Variants in DIP2B observed in about 807,000 individuals in gnomAD.
DIP2B encodes DIP2 acetate--CoA ligase B (putative), also known as disco-interacting protein 2 homolog B.
Under a neutral mutation model 198.0 loss-of-function variants are expected in DIP2B, and 76 were observed. That is an observed-to-expected ratio of 0.38 (90% confidence interval 0.32 to 0.46). The LOEUF (loss-of-function observed/expected upper bound fraction) is 0.46, where lower values mean the gene tolerates loss of function less well. DIP2B is among the 20% of genes least tolerant of loss of function. DIP2B has a pLI of 0.99. For missense variants in DIP2B, 1,559 were observed against 1,978.4 expected (o/e 0.79, Z 4.02); for synonymous variants, 701 against 739.1 (o/e 0.95, Z 0.84).
chr12:50,612,770 T>TA (rs1018607329), intron 1 of DIP2B, among the ~76,000 whole-genome samples: 3 of 152,212 alleles, frequency 2.0e-5, no homozygotes, highest in Non-Finnish European at 4.4e-5. Context: ...ATTAGGCTGA[T>TA]AATACTGCAC....
At chr12:50,644,173 T>G (rs1215059483) in intron 3 of DIP2B, among the ~76,000 whole-genome samples, 1 of 152,232 alleles carries the variant, frequency 6.6e-6, no homozygotes, top group Non-Finnish European at 1.5e-5. Context: ...TTCTTTGTGC[T>G]TTAGCCAAGA....
At chr12:50,560,425 G>A (rs1958509772) in intron 1 of DIP2B, among the ~76,000 whole-genome samples, 1 of 151,606 alleles carries the variant, frequency 6.6e-6, no homozygotes, top group African/African-American at 2.4e-5. Context: ...AAACTTAGCT[G>A]GGCGTGGTGG....
intron 1 of DIP2B, among the ~76,000 whole-genome samples, chr12:50,575,106 C>T (rs558407219): frequency 3.3e-5 from 5 of 152,106 alleles, no homozygotes; most frequent in East Asian, 3.9e-4. Flanking sequence ...TCTTTTCTTT[C>T]GACATTCTCC....
At chr12:50,735,818 G>C (rs532937558) in intron 34 of DIP2B, among the ~76,000 whole-genome samples, 8 of 152,222 alleles carry the variant, frequency 5.3e-5, no homozygotes, top group Non-Finnish European at 1.0e-4. Context: ...CGAGATGGGA[G>C]TGTGGTTTAA....
chr12:50,665,908 T>C (rs4238108), intron 4 of DIP2B, among the ~76,000 whole-genome samples: 37,779 of 152,124 alleles, frequency 0.25, 5,526 homozygotes, highest in East Asian at 0.43. Flanking sequence ...TATGTATCAG[T>C]CAGTTAATTT....
intron 35 of DIP2B, among the ~76,000 whole-genome samples, chr12:50,739,094 C>T (rs1455289363): frequency 1.3e-5 from 2 of 152,184 alleles, no homozygotes; most frequent in Non-Finnish European, 1.5e-5. Flanking sequence ...GGTGAGAGCA[C>T]GGCCTCCGGA....
chr12:50,656,439 G>A (rs923341875), intron 3 of DIP2B, among the ~76,000 whole-genome samples: 8 of 152,040 alleles, frequency 5.3e-5, no homozygotes, highest in African/African-American at 1.7e-4. Context: ...CCATATGAAG[G>A]GACTCCTATT....
At chr12:50,731,856 A>T (rs1940048551) in intron 31 of DIP2B, among the ~76,000 whole-genome samples, 2 of 152,214 alleles carry the variant, frequency 1.3e-5, no homozygotes, top group African/African-American at 4.8e-5. Flanking sequence ...ATAGAATTTG[A>T]AACCTCAAAA....
intron 1 of DIP2B, among the ~76,000 whole-genome samples, chr12:50,549,719 AAAG>A (rs1202089008): frequency 6.6e-6 from 1 of 150,622 alleles, no homozygotes; most frequent in Admixed American, 6.6e-5. Context: ...AAAAAAAAAA[AAAG>A]CCATGTGGTT....
In DIP2B at chr12:50,699,145, C is replaced by T. The variant is rs1222925720; in HGVS notation, c.2268C>T (p.Ser756=). The T allele has an allele frequency of 3.7e-6, 6 of 1,614,122 alleles. No homozygotes were observed. Among genetic ancestry groups the T allele is most frequent in the Non-Finnish European group, 5.1e-6 (6 of 1,180,010 alleles). The change falls in exon 19 of 38, where the codon TCC becomes TCT. Residue 756 remains serine, a synonymous_variant. Coordinates refer to ENST00000301180, the MANE Select transcript of DIP2B (RefSeq NM_173602.3). ...TDEIGEICVS[S]RTGGMMYFGL... ...AAATTGGAGAAATCTGTGTTAGCTCCAGAACTGGAGGCATGATGTACTTTG... is the reference window on the plus strand; with the variant it reads ...AAATTGGAGAAATCTGTGTTAGCTCTAGAACTGGAGGCATGATGTACTTTG...
At chr12:50,613,464 A>G (rs1159679920) in intron 1 of DIP2B, among the ~76,000 whole-genome samples, 2 of 152,214 alleles carry the variant, frequency 1.3e-5, no homozygotes, top group Non-Finnish European at 2.9e-5. Context: ...TCCAGCACCT[A>G]CCTATACCTC....
chr12:50,505,019 C>CGGCGGTGCTGGT lies in DIP2B; in HGVS notation c.-119_-108dup, dbSNP rs1957952732. 4.5e-5 allele frequency: 45 copies of CGGCGGTGCTGGT among 1,004,722 alleles called. No individual in the cohort carries two copies. The highest frequency in any genetic ancestry group is 5.8e-5 in the Non-Finnish European group (40 of 692,780). 62.2% of individuals were successfully genotyped at this position (1,004,722 alleles called of 1,614,324 possible). A position where few individuals can be genotyped will look rare whatever the true frequency, so the allele number is the denominator to read the frequency against. ...TTGCTCATGGCGGCGGCGGCGGCGG[C>CGGCGGTGCTGGT]GGCGGTGCTGGTGGTGCTCGGCGGC... On this transcript the variant is annotated 5_prime_UTR_variant, in exon 1 of 38. Transcript: ENST00000301180.
At chr12:50,645,084 G>T (rs1938327094) in intron 3 of DIP2B, among the ~76,000 whole-genome samples, 1 of 152,120 alleles carries the variant, frequency 6.6e-6, no homozygotes, top group South Asian at 2.1e-4. Context: ...AATTAAATAT[G>T]CAATCGTGAT....
intron 1 of DIP2B, among the ~76,000 whole-genome samples, chr12:50,579,495 C>T (rs561462628): frequency 1.3e-5 from 2 of 149,410 alleles, no homozygotes; most frequent in Non-Finnish European, 3.0e-5. Flanking sequence ...GCCTGTAACC[C>T]CAGCTAGTCA....
intron 1 of DIP2B, among the ~76,000 whole-genome samples, chr12:50,561,955 G>C (rs1301684377): frequency 4.8e-4 from 73 of 152,050 alleles, no homozygotes; most frequent in Admixed American, 4.7e-3. Flanking sequence ...CTCTTTGAAG[G>C]GTTCTTATTC....
chr12:50,691,704 T>TTA (rs769437325), intron 13 of DIP2B, among the ~76,000 whole-genome samples: 24 of 152,064 alleles, frequency 1.6e-4, no homozygotes, highest in Non-Finnish European at 2.4e-4. Context: ...TATCATGAAA[T>TTA]TATATATATA....
intron 3 of DIP2B, among the ~76,000 whole-genome samples, chr12:50,642,464 GAT>G (rs1296679772): frequency 1.3e-5 from 2 of 152,328 alleles, no homozygotes; most frequent in Admixed American, 6.5e-5. Flanking sequence ...GAGCTAAACA[GAT>G]ATTTTGCAGA....
chr12:50,523,698 C>T (rs950049217), intron 1 of DIP2B, among the ~76,000 whole-genome samples: 2 of 152,128 alleles, frequency 1.3e-5, no homozygotes, highest in African/African-American at 4.8e-5. Flanking sequence ...ATGGTATTAG[C>T]TTTAAAACAG....
intron 1 of DIP2B, among the ~76,000 whole-genome samples, chr12:50,573,133 A>G (rs1389799267): frequency 6.6e-6 from 1 of 152,214 alleles, no homozygotes; most frequent in Middle Eastern, 3.2e-3. Context: ...CCTTAAATCT[A>G]CCACAGACTA....
Sources: gnomAD v4.1 joint callset for allele counts (sites outside exome capture counted in the v4.1 genomes callset) on GRCh38, gnomAD v4.1.1 for gene constraint, MANE v1.5 for transcripts, NCBI Gene and HGNC (gene_info 2026-07-23, HGNC 2026-07-21) for gene names.